Variants in CCSER1 observed in about 807,000 individuals in gnomAD.
The protein encoded by CCSER1 is serine-rich coiled-coil domain-containing protein 1.
CCSER1 carries 41 observed loss-of-function variants against 82.0 expected under a neutral mutation model. That is an observed-to-expected ratio of 0.50 (90% CI 0.39 to 0.65). The LOEUF is 0.65. Ranked by LOEUF, CCSER1 falls within the 30% of genes least tolerant of loss-of-function variation. The probability of loss-of-function intolerance (pLI) is 0.00; values close to 1 mark genes in which losing one functional copy is unlikely to be tolerated. For synonymous variants in CCSER1, 414 were observed against 383.9 expected (o/e 1.08, Z -0.92); for missense variants, 1,119 against 1,064.2 (o/e 1.05, Z -0.72).
In CCSER1 at chr4:90,968,498, G is replaced by A. The variant is rs1734780333; in HGVS notation, c.2172+45051G>A. Among the ~76,000 whole-genome samples, 3 of 152,204 alleles carry A rather than the reference G, an allele frequency of 2.0e-5. No individual in the cohort carries two copies. In the South Asian group the frequency reaches 6.2e-4, roughly 32 times the overall value. On this transcript the variant is annotated intron_variant, in intron 9 of 10. Transcript: ENST00000509176. ...GAAAGCACAGAACCTAAGCACTTCA[G>A]AGCAAACTGCCCTAGGGAGAAAATA...
chr4:90,612,036 A>G (rs1268163528), intron 5 of CCSER1, among the ~76,000 whole-genome samples: 1 of 151,816 alleles, frequency 6.6e-6, no homozygotes, highest in Non-Finnish European at 1.5e-5. Flanking sequence ...TTTCTTTTAA[A>G]TGATAGCTGT....
intron 7 of CCSER1, among the ~76,000 whole-genome samples, chr4:90,804,653 G>A (rs1046622752): frequency 9.2e-5 from 14 of 151,982 alleles, no homozygotes; most frequent in Non-Finnish European, 1.8e-4. Flanking sequence ...AATAATTTAT[G>A]GATTTTACTT....
At chr4:91,577,804 A>T (rs1763520752) in intron 10 of CCSER1, among the ~76,000 whole-genome samples, 1 of 151,796 alleles carries the variant, frequency 6.6e-6, no homozygotes, top group African/African-American at 2.4e-5. Flanking sequence ...CAAATGACTT[A>T]AGCAATAATT....
chr4:90,650,513 T>G (rs1051302652), intron 6 of CCSER1, among the ~76,000 whole-genome samples: 1 of 152,192 alleles, frequency 6.6e-6, no homozygotes, highest in Non-Finnish European at 1.5e-5. Context: ...TGAAACAACC[T>G]GCTTGTGCAA....
intron 9 of CCSER1, among the ~76,000 whole-genome samples, chr4:90,988,401 AT>A (rs1023355256): frequency 6.9e-6 from 1 of 145,798 alleles, no homozygotes. Context: ...TGGTCTTGAC[AT>A]TTTTTTTGGT....
At chr4:91,044,762 TC>T (rs1345956695) in intron 9 of CCSER1, among the ~76,000 whole-genome samples, 8 of 152,176 alleles carry the variant, frequency 5.3e-5, no homozygotes, top group African/African-American at 1.9e-4. Flanking sequence ...CCAGGTTAGA[TC>T]CACCTGTACA....
chr4:91,242,010 A>C (rs1484318006), intron 10 of CCSER1, among the ~76,000 whole-genome samples: 1 of 152,200 alleles, frequency 6.6e-6, no homozygotes, highest in Non-Finnish European at 1.5e-5. Flanking sequence ...GCAATTTTAC[A>C]TTTTGGTAAA....
chr4:90,233,885 T>C (rs912832735), intron 1 of CCSER1, among the ~76,000 whole-genome samples: 8 of 152,180 alleles, frequency 5.3e-5, no homozygotes, highest in Non-Finnish European at 1.0e-4. Flanking sequence ...ATAATAAAAA[T>C]CATTTATTGG....
At chr4:90,887,845 G>A (rs1234554953) in intron 8 of CCSER1, among the ~76,000 whole-genome samples, 7 of 152,058 alleles carry the variant, frequency 4.6e-5, no homozygotes, top group Admixed American at 4.6e-4. Context: ...TCGCGCCACT[G>A]CACTCCAGCC....
intron 10 of CCSER1, among the ~76,000 whole-genome samples, chr4:91,173,751 G>T (rs1384195629): frequency 6.6e-6 from 1 of 152,124 alleles, no homozygotes; most frequent in Non-Finnish European, 1.5e-5. Context: ...GAGTGTATGA[G>T]AGGCTACCTC....
intron 10 of CCSER1, among the ~76,000 whole-genome samples, chr4:91,294,310 G>A (rs1197914203): frequency 1.3e-5 from 2 of 151,910 alleles, no homozygotes; most frequent in East Asian, 1.9e-4. Flanking sequence ...CTTACTAACA[G>A]AAGCATGTTT....
At chr4:90,430,640 C>A (rs1057036568) in intron 4 of CCSER1, among the ~76,000 whole-genome samples, 3 of 151,802 alleles carry the variant, frequency 2.0e-5, no homozygotes, top group African/African-American at 7.2e-5. Flanking sequence ...CAAAACTTTA[C>A]TGCTGTGAAA....
rs1445635487 is a variant in CCSER1, at chr4:91,603,790, G to A, written c.*4733G>A. The A allele has an allele frequency of 6.6e-6, 1 of 152,082 alleles. No homozygotes were observed. The highest frequency in any genetic ancestry group is 1.5e-5 in the Non-Finnish European group (1 of 68,014). The allele number at this position is 152,082 out of a possible 1,614,324, so 9.4% of individuals were successfully genotyped here. A position where few individuals can be genotyped will look rare whatever the true frequency, so the allele number is the denominator to read the frequency against. ...TTGTGTCTCAAGTTCTGGAGGCTAG[G>A]AAGTCTAAGATTAGGGTGGGGCAGA... is the stretch of plus-strand genomic sequence containing the variant. On this transcript the variant is annotated 3_prime_UTR_variant, in exon 11 of 11. Transcript: ENST00000509176.
chr4:91,309,478 G>A (rs2149250902), intron 10 of CCSER1, among the ~76,000 whole-genome samples: 1 of 152,120 alleles, frequency 6.6e-6, no homozygotes, highest in Non-Finnish European at 1.5e-5. Flanking sequence ...CTAGTATACT[G>A]ATGTTTGCAG....
chr4:91,464,641 A>T (rs1756755618), intron 10 of CCSER1, among the ~76,000 whole-genome samples: 1 of 152,228 alleles, frequency 6.6e-6, no homozygotes, highest in Non-Finnish European at 1.5e-5. Flanking sequence ...TAGGCTCAAA[A>T]TAAAGGGATG....
intron 6 of CCSER1, among the ~76,000 whole-genome samples, chr4:90,656,949 T>A (rs2149075713): frequency 6.6e-6 from 1 of 152,166 alleles, no homozygotes; most frequent in South Asian, 2.1e-4. Flanking sequence ...CATCTTCAGT[T>A]ATGTATTTAA....
intron 7 of CCSER1, among the ~76,000 whole-genome samples, chr4:90,802,830 A>G (rs896337074): frequency 2.0e-5 from 3 of 152,176 alleles, no homozygotes; most frequent in Non-Finnish European, 4.4e-5. Context: ...TATATTGTCA[A>G]TGATTACACA....
chr4:90,564,301 C>T (rs776147339), intron 5 of CCSER1, among the ~76,000 whole-genome samples: 9 of 152,114 alleles, frequency 5.9e-5, no homozygotes, highest in African/African-American at 1.2e-4. Context: ...AGTGATCCTC[C>T]GCCTTGCCCT....
chr4:90,916,265 A>G (rs1006904580), intron 8 of CCSER1, among the ~76,000 whole-genome samples: 4 of 152,188 alleles, frequency 2.6e-5, no homozygotes, highest in African/African-American at 9.6e-5. Flanking sequence ...CTTAAACTAT[A>G]CTACAAGGCT....
Sources: allele counts gnomAD v4.1 joint callset (sites outside exome capture counted in the v4.1 genomes callset), GRCh38; gene constraint gnomAD v4.1.1; transcripts MANE v1.5; gene names NCBI Gene and HGNC (gene_info 2026-07-23, HGNC 2026-07-21).